GNB5: variants seen among roughly 807,000 people sequenced by gnomAD.
GNB5 encodes the protein guanine nucleotide-binding protein subunit beta-5.
A neutral mutation model predicts 55.3 loss-of-function variants in GNB5; 37 were observed. The ratio of observed to expected loss-of-function variants is 0.67; its 90% CI spans 0.51 to 0.88. The LOEUF (loss-of-function observed/expected upper bound fraction) is 0.88. GNB5 is among the 40% of genes least tolerant of loss of function. The pLI is 0.00. For missense variants in GNB5, 476 were observed against 515.3 expected (o/e 0.92, Z 0.74); for synonymous variants, 219 against 198.5 (o/e 1.10, Z -0.87).
At chr15:52,127,596 G>A (rs1455444999) in intron 10 of GNB5, among the ~76,000 whole-genome samples, 3 of 151,706 alleles carry the variant, frequency 2.0e-5, no homozygotes, top group Non-Finnish European at 4.4e-5. Context: ...CTATTCTTTT[G>A]TAATTTGTTT....
chr15:52,144,792 A>C (rs537216273), intron 6 of GNB5, among the ~76,000 whole-genome samples: 37 of 152,284 alleles, frequency 2.4e-4, no homozygotes, highest in Non-Finnish European at 4.3e-4. Context: ...TAAGGCTCAG[A>C]GGAGCTTCCC....
intron 2 of GNB5, among the ~76,000 whole-genome samples, chr15:52,181,476 C>T (rs1213315265): frequency 1.3e-5 from 2 of 152,022 alleles, no homozygotes; most frequent in Non-Finnish European, 2.9e-5. Flanking sequence ...ATTAGTCGGG[C>T]GTGGTGGTAC....
intron 8 of GNB5, among the ~76,000 whole-genome samples, chr15:52,134,574 T>G (rs369575899): frequency 6.6e-6 from 1 of 152,052 alleles, no homozygotes; most frequent in South Asian, 2.1e-4. Flanking sequence ...TGAGGAGAGA[T>G]AAATACAGTG....
chr15:52,174,743 C>T (rs923545928), intron 3 of GNB5, among the ~76,000 whole-genome samples: 4 of 152,114 alleles, frequency 2.6e-5, no homozygotes, highest in Admixed American at 1.3e-4. Context: ...TCCTGGTTTG[C>T]CTAGGGCCGC....
At chr15:52,136,048 T>C (rs1596063779) in intron 7 of GNB5, among the ~76,000 whole-genome samples, 1 of 126,206 alleles carries the variant, frequency 7.9e-6, no homozygotes, top group Non-Finnish European at 1.6e-5. Context: ...GCTTAACGTT[T>C]TGCAGGGAAA....
Position 52,135,466 on chromosome 15 carries a change from G to A in GNB5, c.771+147C>T, listed in dbSNP as rs1318299061. The A allele has an allele frequency of 1.9e-5, 14 of 741,702 alleles. No homozygotes were observed. In the South Asian group the frequency reaches 2.4e-4, roughly 13 times the overall value. The allele number at this position is 741,702 out of a possible 1,614,324, so 45.9% of individuals were successfully genotyped here. The stretch of plus-strand genomic sequence containing the variant: ...TGGAGCCAGTGCGGTCACTGCAGGA[G>A]CTGGGGGTTTAGTGGGGAGTTGAGA... On this transcript the variant is annotated intron_variant, in intron 8 of 12. Coordinates refer to ENST00000261837, the MANE Select transcript of GNB5 (RefSeq NM_016194.4).
chr15:52,170,009 A>G (rs1213293074), intron 3 of GNB5, among the ~76,000 whole-genome samples: 1 of 152,242 alleles, frequency 6.6e-6, no homozygotes, highest in Non-Finnish European at 1.5e-5. Flanking sequence ...AACCACAATG[A>G]GATACCATCT....
chr15:52,170,378 A>T (rs1427793867), intron 3 of GNB5, among the ~76,000 whole-genome samples: 2 of 152,256 alleles, frequency 1.3e-5, no homozygotes, highest in Non-Finnish European at 2.9e-5. Context: ...AATACTATGC[A>T]GCCATAAAAA....
At position 52,119,222 on chromosome 15, in the gene GNB5, T is replaced by G. The variant is rs186347174; in HGVS notation, c.*3535A>C. The G allele has an allele frequency of 1.2e-5, 1 of 82,984 alleles. No homozygotes were observed. Among genetic ancestry groups the G allele is most frequent in the Non-Finnish European group, 2.2e-5 (1 of 44,780 alleles). The allele number at this position is 82,984 out of a possible 1,614,324, so 5.1% of individuals were successfully genotyped here. A position where few individuals can be genotyped will look rare whatever the true frequency, so the allele number is the denominator to read the frequency against. ...GAAGGGTTAGAAAAAGGAGTCCGGATGAATGAGGAGAGGGGGAGGGGGCAG... is the reference window on the plus strand; with the variant it reads ...GAAGGGTTAGAAAAAGGAGTCCGGAGGAATGAGGAGAGGGGGAGGGGGCAG... On this transcript the variant is annotated 3_prime_UTR_variant, in exon 13 of 13. Transcript: ENST00000261837.
chr15:52,137,736 T>G, intron 7 of GNB5: 1 of 1,190,372 alleles, frequency 8.4e-7, no homozygotes, highest in Non-Finnish European at 1.1e-6. Flanking sequence ...GGACTCAGGG[T>G]TCGGGGCCCT....
chr15:52,137,196 G>A (rs1443934788), intron 7 of GNB5: 35 of 1,136,788 alleles, frequency 3.1e-5, no homozygotes, highest in Non-Finnish European at 3.8e-5. Flanking sequence ...GATAACCTTA[G>A]CTTTGCTTGG....
At chr15:52,169,045 C>T (rs530248144) in intron 3 of GNB5, among the ~76,000 whole-genome samples, 13 of 152,250 alleles carry the variant, frequency 8.5e-5, no homozygotes, top group Non-Finnish European at 1.6e-4. Flanking sequence ...AATACCAGGC[C>T]GGATGTGGGG....
chr15:52,140,211 A>G (rs2033819587), intron 7 of GNB5: 1 of 190,552 alleles, frequency 5.2e-6, no homozygotes, highest in African/African-American at 2.4e-5. Context: ...AAGCCAGAGT[A>G]AACTATGGAA....
intron 12 of GNB5, among the ~76,000 whole-genome samples, chr15:52,123,913 T>C (rs1263434945): frequency 6.7e-6 from 1 of 149,546 alleles, no homozygotes. Context: ...TCTTTGAGAA[T>C]TTAATGAAAG....
At position 52,118,712 on chromosome 15, in the gene GNB5, T is replaced by C. The variant is rs900522706; in HGVS notation, c.*4045A>G. On this transcript the variant is annotated 3_prime_UTR_variant, in exon 13 of 13. Coordinates refer to ENST00000261837, the MANE Select transcript of GNB5 (RefSeq NM_016194.4). ...GGAGAAACCTGGTCTCTACTAAAAA[T>C]ACAAAATTAGCCGGGCGTGGTGGTG... 1 of 151,608 alleles carries C rather than the reference T, an allele frequency of 6.6e-6. No individual in the cohort carries two copies. The highest frequency in any genetic ancestry group is 1.5e-5 in the Non-Finnish European group (1 of 67,966). The allele number at this position is 151,608 out of a possible 1,614,324, so 9.4% of individuals were successfully genotyped here.
intron 7 of GNB5, among the ~76,000 whole-genome samples, chr15:52,138,157 C>T (rs1467380869): frequency 4.0e-5 from 6 of 151,742 alleles, no homozygotes; most frequent in African/African-American, 9.7e-5. Flanking sequence ...CTGAGGTGGG[C>T]GGATCACCCA....
At chr15:52,157,457 G>C (rs534417527) in intron 3 of GNB5, among the ~76,000 whole-genome samples, 10 of 151,834 alleles carry the variant, frequency 6.6e-5, no homozygotes, top group Admixed American at 2.0e-4. Flanking sequence ...TGTTGGCCAG[G>C]ATGGTCTCGA....
intron 3 of GNB5, among the ~76,000 whole-genome samples, chr15:52,171,260 T>C (rs908964915): frequency 5.9e-5 from 9 of 152,100 alleles, no homozygotes; most frequent in Non-Finnish European, 1.3e-4. Context: ...GTAAATGACA[T>C]GGGGAGCTAC....
chr15:52,189,778 C>A (rs1340598715), intron 1 of GNB5, among the ~76,000 whole-genome samples: 6 of 152,080 alleles, frequency 3.9e-5, no homozygotes, highest in Non-Finnish European at 8.8e-5. Context: ...CATGGTCAAA[C>A]CTTAAAAACG....
Sources: gnomAD v4.1 joint callset for allele counts (sites outside exome capture counted in the v4.1 genomes callset) on GRCh38, gnomAD v4.1.1 for gene constraint, MANE v1.5 for transcripts, NCBI Gene and HGNC (gene_info 2026-07-23, HGNC 2026-07-21) for gene names.